Variants in ALDH7A1 observed in about 807,000 individuals in gnomAD.
ALDH7A1 encodes the protein alpha-aminoadipic semialdehyde dehydrogenase.
In ALDH7A1, 63 loss-of-function variants were observed where a neutral mutation model predicts 79.9. The observed-to-expected ratio is 0.79, with a 90% confidence interval of 0.64 to 0.97. The LOEUF (loss-of-function observed/expected upper bound fraction) is 0.97. Ranked by LOEUF, ALDH7A1 falls within the 50% of genes least tolerant of loss-of-function variation. The pLI, the probability that ALDH7A1 is intolerant of heterozygous loss-of-function variation, is 0.00. For synonymous variants in ALDH7A1, 240 were observed against 231.2 expected, an observed-to-expected ratio of 1.04 and a Z score of -0.34; for missense variants, 627 against 665.2, an observed-to-expected ratio of 0.94 and a Z score of 0.63.
At chr5:126,559,446 T>TTG in intron 10 of ALDH7A1, 112 bp from the exon 11 acceptor site, 1 of 810,672 alleles carries the variant, frequency 1.2e-6, no homozygotes, top group Non-Finnish European at 2.0e-6. Context: ...TTTTTTTTTT[T>TTG]TTTTTTGAGA....
chr5:126,561,000 G>A, intron 10 of ALDH7A1, 83 bp downstream of exon 10: 1 of 1,474,100 alleles, frequency 6.8e-7, no homozygotes, highest in Non-Finnish European at 9.5e-7. Flanking sequence ...GACGAAATGA[G>A]ATCCCAAACA....
rs1249902060 is a variant in ALDH7A1 at position 126,543,962 on chromosome 5, C to G, written c.*1003G>C. The G allele has an allele frequency of 7.2e-6, 1 of 138,278 alleles. No individual in the cohort carries two copies. The highest frequency in any genetic ancestry group is 2.6e-5 in the African/African-American group (1 of 37,996). The allele number at this position is 138,278 out of a possible 1,614,324, so 8.6% of individuals were successfully genotyped here. A position where few individuals can be genotyped will look rare whatever the true frequency, so the allele number is the denominator to read the frequency against. Reference sequence around the variant, plus strand: ...AAGGTTGTATAAAAAAATCCAGATGCACTTTTTTTTTTTTTTTTTTTTGTA... The same window carrying G: ...AAGGTTGTATAAAAAAATCCAGATGGACTTTTTTTTTTTTTTTTTTTTGTA... On this transcript the variant is annotated 3_prime_UTR_variant, in exon 18 of 18. Coordinates refer to ENST00000409134, the MANE Select transcript of ALDH7A1 (RefSeq NM_001182.5).
chr5:126,546,215 A>T, intron 17 of ALDH7A1, 109 bp downstream of exon 17: 1 of 1,032,080 alleles, frequency 9.7e-7, no homozygotes. Flanking sequence ...ATGCTGGAAA[A>T]ATCAAATCAA....
intron 7 of ALDH7A1, 88 bp from the exon 8 acceptor site, chr5:126,570,947 T>G: frequency 7.7e-7 from 1 of 1,295,354 alleles, no homozygotes; most frequent in Non-Finnish European, 1.1e-6. Context: ...GACTCTCCTT[T>G]TTTCAACTTT....
Position 126,543,625 on chromosome 5 carries a change from A to G in ALDH7A1, c.*1340T>C, listed in dbSNP as rs1749686504. Reference sequence around the variant, plus strand: ...TTGCCATTTGTCCAGATCTCTCCACATCCTGATGGATCAGGTTGTCTACAA... The same window carrying G: ...TTGCCATTTGTCCAGATCTCTCCACGTCCTGATGGATCAGGTTGTCTACAA... On this transcript the variant is annotated 3_prime_UTR_variant, in exon 18 of 18. Transcript: ENST00000409134. 2 of 152,264 alleles carry G rather than the reference A, an allele frequency of 1.3e-5. No homozygotes were observed. The highest frequency in any genetic ancestry group is 4.1e-4 in the South Asian group (2 of 4,824). The allele number at this position is 152,264 out of a possible 1,614,324, so 9.4% of individuals were successfully genotyped here.
In ALDH7A1 at chr5:126,595,004, T is replaced by A. The variant is rs773814169; in HGVS notation, c.192+3A>T. 10 of 1,595,132 alleles carry A rather than the reference T, an allele frequency of 6.3e-6. No homozygotes were observed. In the East Asian group the frequency reaches 2.3e-4, roughly 36 times the overall value. ...TGCAGAGATTTCTTGAGCGCCCGCG[T>A]ACCTCTCCCCGGCCTCCCCAGCTTC... On this transcript the variant is annotated splice_donor_region_variant and intron_variant, in intron 1 of 17. Transcript: ENST00000409134.
In ALDH7A1 at chr5:126,554,597, C is replaced by T. The variant is rs1031241106; in HGVS notation, c.1094-204G>A. On this transcript the variant is annotated intron_variant, in intron 12 of 17. Coordinates refer to ENST00000409134, the MANE Select transcript of ALDH7A1 (RefSeq NM_001182.5). Reference sequence around the variant, plus strand: ...CATACGTGATCTCCATCCCAATACTCAACTCCGTAATTGTAGTGCAAAAGC... The same window carrying T: ...CATACGTGATCTCCATCCCAATACTTAACTCCGTAATTGTAGTGCAAAAGC... The T allele has an allele frequency of 6.7e-6, 4 of 597,416 alleles. No individual in the cohort carries two copies. In the African/African-American group the frequency reaches 7.4e-5, roughly 11 times the overall value. 37.0% of individuals were successfully genotyped at this position (597,416 alleles called of 1,614,324 possible).
intron 11 of ALDH7A1, among the ~76,000 whole-genome samples, chr5:126,556,239 C>T (rs1471236086): frequency 1.3e-3 from 131 of 97,834 alleles, no homozygotes; most frequent in Non-Finnish European, 1.3e-3. Context: ...TAAGCCATGT[C>T]TTTTTTTTTT....
intron 14 of ALDH7A1, among the ~76,000 whole-genome samples, chr5:126,551,119 G>A (rs921057878): frequency 2.6e-5 from 4 of 152,068 alleles, no homozygotes; most frequent in Admixed American, 2.0e-4. Flanking sequence ...GTACAGACAA[G>A]GTCTCACTGT....
chr5:126,589,134 T>C (rs1432856835), intron 3 of ALDH7A1: 1 of 152,170 alleles, frequency 6.6e-6, no homozygotes, highest in Non-Finnish European at 1.5e-5. Flanking sequence ...AATTTAAAAC[T>C]GCTGTAAAAA....
rs182167481 is a variant in ALDH7A1, at chr5:126,567,563, T to C, written c.871+696A>G. Among the ~76,000 whole-genome samples the C allele has an allele frequency of 6.7e-3, 1,020 of 151,436 alleles. 9 individuals carry two copies. Among genetic ancestry groups the C allele is most frequent in the African/African-American group, 0.019 (783 of 41,276 alleles). On this transcript the variant is annotated intron_variant, in intron 9 of 17. Coordinates refer to ENST00000409134, the MANE Select transcript of ALDH7A1 (RefSeq NM_001182.5). ...ATCTCGGCTCACTGCAAGCTCCACC[T>C]CCCGGGTTCACGCCATTCTCCTGCC...
At chr5:126,558,625 T>C (rs2112767360) in intron 11 of ALDH7A1, among the ~76,000 whole-genome samples, 1 of 152,130 alleles carries the variant, frequency 6.6e-6, no homozygotes, top group Non-Finnish European at 1.5e-5. Flanking sequence ...CTGGGCTCAA[T>C]CAATCCTCCT....
At chr5:126,590,778 T>C (rs544152505) in intron 3 of ALDH7A1, among the ~76,000 whole-genome samples, 1 of 151,848 alleles carries the variant, frequency 6.6e-6, no homozygotes, top group East Asian at 1.9e-4. Context: ...TCCCAGCCAC[T>C]TGGGAGGCTG....
At chr5:126,580,987 A>G (rs1751154856) in intron 5 of ALDH7A1, among the ~76,000 whole-genome samples, 1 of 152,002 alleles carries the variant, frequency 6.6e-6, no homozygotes, top group Non-Finnish European at 1.5e-5. Context: ...ACCATGCCTC[A>G]CTAATTTTGT....
rs945175192 is a variant in ALDH7A1 at position 126,592,702 on chromosome 5, C to G, written c.274G>C (p.Val92Leu). 6.2e-7 allele frequency: 1 copy of G among 1,613,972 alleles called. No homozygotes were observed. The highest frequency in any genetic ancestry group is 1.3e-5 in the African/African-American group (1 of 74,916). The change falls in exon 3 of 18, where the codon GTA (valine) becomes CTA (leucine). Residue 92 changes from valine to leucine, a missense_variant. Transcript: ENST00000409134. ...TTCCATGCTTCTCTTGCTTTCTTTACAGTTTCTTCATAGTCTGCCACACTG... is the reference window on the plus strand; with the variant it reads ...TTCCATGCTTCTCTTGCTTTCTTTAGAGTTTCTTCATAGTCTGCCACACTG... ...QASVADYEETVKKAREAWKIW... is the reference protein window; with the variant it reads ...QASVADYEETLKKAREAWKIW...
chr5:126,593,419 A>T lies in ALDH7A1; in HGVS notation c.193-15T>A, dbSNP rs372073658. On this transcript the variant is annotated splice_polypyrimidine_tract_variant and intron_variant, in intron 1 of 17. Coordinates refer to ENST00000409134, the MANE Select transcript of ALDH7A1 (RefSeq NM_001182.5). ...GTCGTAATAACCTTAAAACAAAAGG[A>T]TGATGATCATGTATAGAAAACGTAA... is the stretch of plus-strand genomic sequence containing the variant. The T allele has an allele frequency of 5.0e-6, 8 of 1,613,996 alleles. No homozygotes were observed. Among genetic ancestry groups the T allele is most frequent in the Non-Finnish European group, 6.8e-6 (8 of 1,180,014 alleles).
At chr5:126,565,396 A>C (rs1750545801) in intron 9 of ALDH7A1, among the ~76,000 whole-genome samples, 2 of 27,164 alleles carry the variant, frequency 7.4e-5, no homozygotes, top group Non-Finnish European at 2.1e-4. Context: ...TTCCATCTCA[A>C]AAAAAAAAAA....
At chr5:126,548,440 C>CG (rs1255826694) in intron 16 of ALDH7A1, among the ~76,000 whole-genome samples, 1 of 104,902 alleles carries the variant, frequency 9.5e-6, no homozygotes, top group African/African-American at 3.8e-5. Context: ...TTTTTTTTTG[C>CG]GGGGGAAGAC....
intron 5 of ALDH7A1, chr5:126,581,977 C>CAA (rs370543985): frequency 1.2e-3 from 394 of 315,362 alleles, no homozygotes; most frequent in Middle Eastern, 3.4e-3. Flanking sequence ...GACTCCATCT[C>CAA]AAAAAAAAAA....
Sources: allele counts gnomAD v4.1 joint callset (sites outside exome capture counted in the v4.1 genomes callset), GRCh38; gene constraint gnomAD v4.1.1; transcripts MANE v1.5; gene names NCBI Gene and HGNC (gene_info 2026-07-23, HGNC 2026-07-21).